The following ZNF83 variants were observed in gnomAD, a reference collection of about 807,000 sequenced individuals.
ZNF83 encodes zinc finger protein 816B.
For missense variants in ZNF83, 552 were observed against 629.9 expected, an observed-to-expected ratio of 0.88 and a Z score of 1.32; for synonymous variants, 209 against 213.0, an observed-to-expected ratio of 0.98 and a Z score of 0.17.
upstream of ZNF83, among the ~76,000 whole-genome samples, chr19:52,643,360 G>GAA (rs35849256): frequency 2.9e-3 from 396 of 136,326 alleles, 9 homozygotes; most frequent in East Asian, 0.045. Context: ...GTCTCAAATA[G>GAA]AAAAAAAAAA....
intron 1 of ZNF83, among the ~76,000 whole-genome samples, chr19:52,637,519 C>T (rs900725757): frequency 6.6e-6 from 1 of 152,170 alleles, no homozygotes; most frequent in African/African-American, 2.4e-5. Context: ...TTTTCTCCTC[C>T]TGCTTTCTTT....
At chr19:52,633,779 G>A (rs998100118) in intron 2 of ZNF83, among the ~76,000 whole-genome samples, 5 of 151,940 alleles carry the variant, frequency 3.3e-5, no homozygotes, top group African/African-American at 7.3e-5. Context: ...GCATGGTGAC[G>A]CATGCCTGGA....
chr19:52,653,186 G>T, intron 3 of ZNF83: 1 of 1,495,142 alleles, frequency 6.7e-7, no homozygotes, highest in South Asian at 1.1e-5. Flanking sequence ...TGGCCCACAA[G>T]GGATGACTTC....
intron 3 of ZNF83, among the ~76,000 whole-genome samples, chr19:52,648,929 T>C (rs948187210): frequency 5.9e-5 from 9 of 152,066 alleles, no homozygotes; most frequent in Admixed American, 3.3e-4. Flanking sequence ...CTCCAGGCCC[T>C]ACCTCCACCT....
rs10423447 is a variant in ZNF83, at chr19:52,631,761, G to T, written c.-234+3305C>A. Among the ~76,000 whole-genome samples the T allele has an allele frequency of 7.3e-4, 109 of 148,524 alleles. 2 individuals carry two copies. Among genetic ancestry groups the T allele is most frequent in the African/African-American group, 2.5e-3 (99 of 40,318 alleles). On this transcript the variant is annotated intron_variant, in intron 2 of 2. Transcript: ENST00000301096. ...TGATCACGCTTGATTTATTGATGGC[G>T]GTTCCACCAGGCCTAATCGCCACAC...
At chr19:52,626,106 C>G (rs969522442) in intron 2 of ZNF83, among the ~76,000 whole-genome samples, 2 of 149,338 alleles carry the variant, frequency 1.3e-5, no homozygotes, top group Admixed American at 1.3e-4. Flanking sequence ...CTCATGATAC[C>G]AAACAGACAA....
chr19:52,665,144 G>T (rs1174026665), intron 1 of ZNF83, among the ~76,000 whole-genome samples: 1 of 152,130 alleles, frequency 6.6e-6, no homozygotes, highest in East Asian at 1.9e-4. Context: ...TCATTCACTG[G>T]GGTGGGAGAG....
intron 2 of ZNF83, chr19:52,618,043 G>C (rs1278384592): frequency 6.6e-6 from 1 of 152,214 alleles, no homozygotes; most frequent in Non-Finnish European, 1.5e-5. Context: ...AAAAGCACAG[G>C]AGTAGCAAAT....
intron 1 of ZNF83, among the ~76,000 whole-genome samples, chr19:52,686,836 G>A (rs7259474): frequency 0.63 from 95,443 of 151,762 alleles, 30,270 homozygotes; most frequent in African/African-American, 0.71. Context: ...GTCTCCCAAA[G>A]TGCTGGGATT....
At chr19:52,616,572 A>T (rs1474390469) in intron 2 of ZNF83, 2 of 152,240 alleles carry the variant, frequency 1.3e-5, no homozygotes, top group Admixed American at 1.3e-4. Context: ...GGCAGGACAC[A>T]GTGGCTCACA....
chr19:52,689,396 C>T (rs937479263), intron 1 of ZNF83, among the ~76,000 whole-genome samples: 28 of 152,156 alleles, frequency 1.8e-4, no homozygotes, highest in Non-Finnish European at 3.4e-4. Context: ...TACCCTCATC[C>T]CCACTCTCTA....
At chr19:52,637,309 C>T (rs438943) in intron 1 of ZNF83, among the ~76,000 whole-genome samples, 76,277 of 151,752 alleles carry the variant, frequency 0.5, 19,917 homozygotes, top group East Asian at 0.67. Context: ...TGTGGAACCA[C>T]AGATCCCCAG....
chr19:52,659,980 CAGGAGT>C (rs1444662578), intron 2 of ZNF83, among the ~76,000 whole-genome samples: 2 of 152,102 alleles, frequency 1.3e-5, no homozygotes, highest in Non-Finnish European at 2.9e-5. Flanking sequence ...ATCATGAGGT[CAGGAGT>C]TCGAGACCAG....
At chr19:52,683,506 T>G in intron 1 of ZNF83, among the ~76,000 whole-genome samples, 1 of 34,366 alleles carries the variant, frequency 2.9e-5, no homozygotes, top group African/African-American at 2.9e-4. Context: ...CTCCCCACCC[T>G]TCCTGAAGGG....
chr19:52,635,021 C>T lies in ZNF83; in HGVS notation c.-234+45G>A, dbSNP rs1405991715. 4.1e-6 allele frequency: 3 copies of T among 729,974 alleles called. No homozygotes were observed. The South Asian group carries it at 4.5e-5, about 11-fold the overall frequency. 45.2% of individuals were successfully genotyped at this position (729,974 alleles called of 1,614,324 possible). On this transcript the variant is annotated intron_variant, in intron 2 of 2. Transcript: ENST00000301096. The stretch of plus-strand genomic sequence containing the variant: ...TTCCCAACTCCAAGGCCCAGGGTTT[C>T]TGAAAGGAAAGAGACAGAACAATCC...
exon 2 of ZNF83, chr19:52,635,070 G>A (rs763104956): frequency 5.2e-5 from 38 of 731,346 alleles, no homozygotes; most frequent in Non-Finnish European, 7.7e-5. Context: ...TCTCACCTGA[G>A]GAAGAACCAT....
chr19:52,616,197 C>T (rs1052063083), intron 2 of ZNF83, among the ~76,000 whole-genome samples: 11 of 152,142 alleles, frequency 7.2e-5, no homozygotes, highest in African/African-American at 2.7e-4. Flanking sequence ...TATTCCTAGC[C>T]GTCTACCAAC....
At chr19:52,686,526 CACA>C (rs2062019788) in intron 1 of ZNF83, among the ~76,000 whole-genome samples, 4 of 150,246 alleles carry the variant, frequency 2.7e-5, no homozygotes, top group Admixed American at 6.6e-5. Context: ...AAATCTATTA[CACA>C]ACAAGAACAA....
At chr19:52,659,909 G>A (rs895488925) in intron 2 of ZNF83, among the ~76,000 whole-genome samples, 1 of 152,056 alleles carries the variant, frequency 6.6e-6, no homozygotes, top group African/African-American at 2.4e-5. Context: ...GATATTTCTC[G>A]GCTGGGTGGG....
Sources: allele counts gnomAD v4.1 joint callset (sites outside exome capture counted in the v4.1 genomes callset), GRCh38; gene constraint gnomAD v4.1.1; transcripts MANE v1.5; gene names NCBI Gene and HGNC (gene_info 2026-07-23, HGNC 2026-07-21).